GRIK1: variants seen among roughly 807,000 people sequenced by gnomAD.
The protein encoded by GRIK1 is glutamate ionotropic receptor kainate type subunit 1.
A neutral mutation model predicts 105.7 loss-of-function variants in GRIK1; 69 were observed. The ratio of observed to expected loss-of-function variants is 0.65; its 90% CI spans 0.54 to 0.80. The LOEUF is 0.80. Ranked by LOEUF, GRIK1 falls within the 30% of genes least tolerant of loss-of-function variation. The probability of loss-of-function intolerance (pLI) is 0.00; values close to 1 mark genes in which losing one functional copy is unlikely to be tolerated. For missense variants in GRIK1, 1,109 were observed against 1,167.3 expected (o/e 0.95, Z 0.73); for synonymous variants, 438 against 431.3 (o/e 1.02, Z -0.19).
At chr21:29,808,888 G>A (rs1264868098) in intron 1 of GRIK1, among the ~76,000 whole-genome samples, 1 of 152,102 alleles carries the variant, frequency 6.6e-6, no homozygotes, top group East Asian at 1.9e-4. Flanking sequence ...GAAAATCAAG[G>A]CTTTTCCAGG....
chr21:29,738,065 A>T (rs944747467), intron 1 of GRIK1, among the ~76,000 whole-genome samples: 1 of 152,252 alleles, frequency 6.6e-6, no homozygotes, highest in Non-Finnish European at 1.5e-5. Flanking sequence ...AACCATAGAG[A>T]CAGCTCAAGA....
chr21:29,623,076 C>T (rs1352163699), intron 7 of GRIK1, among the ~76,000 whole-genome samples: 1 of 152,126 alleles, frequency 6.6e-6, no homozygotes, highest in Non-Finnish European at 1.5e-5. Context: ...TAAAAACATA[C>T]CTGAGATTGG....
chr21:29,881,341 TA>T (rs995244381), intron 1 of GRIK1, among the ~76,000 whole-genome samples: 7 of 152,010 alleles, frequency 4.6e-5, no homozygotes, highest in Non-Finnish European at 7.4e-5. Context: ...TTAACTGGAT[TA>T]AAAATGGTAT....
chr21:29,633,878 T>C (rs2062339270), intron 7 of GRIK1, among the ~76,000 whole-genome samples: 1 of 152,062 alleles, frequency 6.6e-6, no homozygotes, highest in Non-Finnish European at 1.5e-5. Context: ...AAATGGAAAT[T>C]TTTTCTGAAG....
intron 1 of GRIK1, among the ~76,000 whole-genome samples, chr21:29,760,903 G>C (rs904087791): frequency 6.6e-6 from 1 of 152,182 alleles, no homozygotes; most frequent in African/African-American, 2.4e-5. Flanking sequence ...AATTCAGATG[G>C]AAAAGACTTT....
chr21:29,592,358 A>C (rs1367312505), intron 9 of GRIK1, among the ~76,000 whole-genome samples: 2 of 152,200 alleles, frequency 1.3e-5, no homozygotes, highest in Non-Finnish European at 2.9e-5. Context: ...CATTCAGTAA[A>C]GCCCATTACT....
At chr21:29,858,958 T>A (rs1056398230) in intron 1 of GRIK1, among the ~76,000 whole-genome samples, 1 of 149,810 alleles carries the variant, frequency 6.7e-6, no homozygotes, top group Admixed American at 6.6e-5. Context: ...ACATTTTTTT[T>A]GTAGAATTTA....
intron 1 of GRIK1, among the ~76,000 whole-genome samples, chr21:29,937,729 C>T (rs759981726): frequency 5.3e-5 from 8 of 151,988 alleles, no homozygotes; most frequent in Non-Finnish European, 1.0e-4. Flanking sequence ...AGCAAAACCC[C>T]AATTAAGTTA....
chr21:29,711,852 TC>T (rs1266518750), intron 1 of GRIK1, among the ~76,000 whole-genome samples: 2 of 152,028 alleles, frequency 1.3e-5, no homozygotes, highest in African/African-American at 4.8e-5. Context: ...GTAATTTTTT[TC>T]TAATGAAAAA....
intron 1 of GRIK1, among the ~76,000 whole-genome samples, chr21:29,883,467 AAGCAGAG>A (rs1404294762): frequency 1.3e-5 from 2 of 152,074 alleles, no homozygotes; most frequent in African/African-American, 4.8e-5. Context: ...CATAACTAAC[AAGCAGAG>A]AGTTCTTAAT....
chr21:29,762,714 T>C (rs751519750), intron 1 of GRIK1, among the ~76,000 whole-genome samples: 14 of 150,630 alleles, frequency 9.3e-5, no homozygotes, highest in Non-Finnish European at 1.8e-4. Context: ...CCACCCTGTA[T>C]TCAAATTGGG....
chr21:29,745,241 A>T (rs957005527), intron 1 of GRIK1, among the ~76,000 whole-genome samples: 1 of 152,182 alleles, frequency 6.6e-6, no homozygotes, highest in Admixed American at 6.5e-5. Flanking sequence ...CAGTCCAACG[A>T]TCCTCAAGAC....
At chr21:29,700,783 A>G (rs3787672) in intron 1 of GRIK1, among the ~76,000 whole-genome samples, 42,326 of 151,920 alleles carry the variant, frequency 0.28, 9,673 homozygotes, top group African/African-American at 0.62. Context: ...CTCTAGATTA[A>G]GCCTGTGCTG....
At chr21:29,776,128 G>A (rs754104424) in intron 1 of GRIK1, among the ~76,000 whole-genome samples, 6 of 152,300 alleles carry the variant, frequency 3.9e-5, no homozygotes, top group South Asian at 2.1e-4. Context: ...CATGAATATA[G>A]CATAGGGGAA....
At chr21:29,714,874 G>C (rs2064141893) in intron 1 of GRIK1, among the ~76,000 whole-genome samples, 1 of 152,180 alleles carries the variant, frequency 6.6e-6, no homozygotes. Flanking sequence ...GGCAATCAGA[G>C]TTATGATAAC....
intron 1 of GRIK1, among the ~76,000 whole-genome samples, chr21:29,902,528 GA>G (rs2070447971): frequency 6.6e-6 from 1 of 152,138 alleles, no homozygotes; most frequent in African/African-American, 2.4e-5. Context: ...AATCATGAGT[GA>G]ACTCTCATTC....
intron 1 of GRIK1, among the ~76,000 whole-genome samples, chr21:29,703,872 A>G (rs2063857704): frequency 6.6e-6 from 1 of 152,234 alleles, no homozygotes; most frequent in Admixed American, 6.5e-5. Flanking sequence ...CCGTTGAGAC[A>G]ATAACCACAT....
intron 7 of GRIK1, among the ~76,000 whole-genome samples, chr21:29,638,218 G>C (rs1601340446): frequency 6.6e-6 from 1 of 152,080 alleles, no homozygotes; most frequent in African/African-American, 2.4e-5. Context: ...GGCTGGGGAG[G>C]CCTCAGGAAA....
At chr21:29,839,544 G>C (rs1028390682) in intron 1 of GRIK1, among the ~76,000 whole-genome samples, 1 of 152,152 alleles carries the variant, frequency 6.6e-6, no homozygotes, top group African/African-American at 2.4e-5. Flanking sequence ...AGTTACAAAA[G>C]GGAAAAAGTG....
Sources: gnomAD v4.1 joint callset for allele counts (sites outside exome capture counted in the v4.1 genomes callset) on GRCh38, gnomAD v4.1.1 for gene constraint, MANE v1.5 for transcripts, NCBI Gene and HGNC (gene_info 2026-07-23, HGNC 2026-07-21) for gene names.